The following NMT2 variants were observed in gnomAD, a reference collection of about 807,000 sequenced individuals.
NMT2 encodes the protein N-myristoyltransferase 2, also known as glycylpeptide N-tetradecanoyltransferase 2.
A neutral mutation model predicts 65.4 loss-of-function variants in NMT2; 35 were observed. That is an observed-to-expected ratio of 0.54 (90% confidence interval 0.41 to 0.71). NMT2 has a LOEUF of 0.71. NMT2 is among the 30% of genes least tolerant of loss of function. The pLI, the probability that NMT2 is intolerant of heterozygous loss-of-function variation, is 0.00. For synonymous variants in NMT2, 226 were observed against 231.8 expected, an observed-to-expected ratio of 0.98 and a Z score of 0.23; for missense variants, 489 against 611.3, an observed-to-expected ratio of 0.80 and a Z score of 2.11.
At position 15,140,907 on chromosome 10, in the gene NMT2, G is replaced by A. The variant is rs1478592330; in HGVS notation, c.246+515C>T. The A allele has an allele frequency of 4.7e-6, 6 of 1,289,548 alleles. No homozygotes were observed. The East Asian group carries it at 1.0e-4, about 22-fold the overall frequency. 79.9% of individuals were successfully genotyped at this position (1,289,548 alleles called of 1,614,324 possible). On this transcript the variant is annotated intron_variant, in intron 2 of 11. Coordinates refer to ENST00000378165, the MANE Select transcript of NMT2 (RefSeq NM_004808.3). ...TTGGTTTAAACTAGGAGAATGTCAG[G>A]AACTATTTCCCACCCTTGGCATTAG...
In NMT2 at chr10:15,133,369, C is replaced by T. The variant is rs1483003287; in HGVS notation, c.392-6G>A. On this transcript the variant is annotated splice_polypyrimidine_tract_variant and splice_region_variant and intron_variant, in intron 3 of 11. Transcript: ENST00000378165. ...ATGAGATGTTATGACTTCATCTGAA[C>T]AGGGAGAGAAAGAGAAAAAAGAAAG... The T allele has an allele frequency of 6.3e-7, 1 of 1,586,584 alleles. No homozygotes were observed. Among genetic ancestry groups the T allele is most frequent in the South Asian group, 1.1e-5 (1 of 90,486 alleles).
chr10:15,141,117 C>CA, intron 2 of NMT2: 2 of 1,228,636 alleles, frequency 1.6e-6, no homozygotes, highest in Non-Finnish European at 2.3e-6. Flanking sequence ...AGTGTAATTT[C>CA]AAAAAAACCT....
At chr10:15,165,347 C>A (rs1162368830) in intron 1 of NMT2, among the ~76,000 whole-genome samples, 1 of 152,148 alleles carries the variant, frequency 6.6e-6, no homozygotes, top group Non-Finnish European at 1.5e-5. Flanking sequence ...AAGACCTACT[C>A]CCTAATTCTA....
chr10:15,135,150 G>A (rs1846430838), intron 3 of NMT2, 124 bp downstream of exon 3: 1 of 975,902 alleles, frequency 1.0e-6, no homozygotes, highest in Non-Finnish European at 1.6e-6. Context: ...CCAATCTGTG[G>A]TATGAAATAA....
chr10:15,110,448 T>G (rs1452892328), intron 10 of NMT2, among the ~76,000 whole-genome samples: 1 of 151,882 alleles, frequency 6.6e-6, no homozygotes, highest in Non-Finnish European at 1.5e-5. Context: ...GGTATAGGTG[T>G]AGGTGTAGGT....
In NMT2 at chr10:15,128,374, T is replaced by G; in HGVS notation, c.975A>C (p.Thr325=). The change falls in exon 8 of 12, where the codon ACA becomes ACC. Residue 325 remains threonine, a synonymous_variant. Coordinates refer to ENST00000378165, the MANE Select transcript of NMT2 (RefSeq NM_004808.3). ...HLSRNMTLQR[T]MKLYRLPDVT... The stretch of plus-strand genomic sequence containing the variant: ...CATCTGGAAGTCTGTATAGCTTCAT[T>G]GTTCTCTGTAAAGTCATATTTCTAC... 6.2e-7 allele frequency: 1 copy of G among 1,603,052 alleles called. No homozygotes were observed. The highest frequency in any genetic ancestry group is 8.5e-7 in the Non-Finnish European group (1 of 1,170,270).
At chr10:15,125,440 C>T (rs1457434954) in intron 8 of NMT2, among the ~76,000 whole-genome samples, 4 of 152,154 alleles carry the variant, frequency 2.6e-5, no homozygotes, top group Non-Finnish European at 4.4e-5. Context: ...TTAAGAAAAT[C>T]ATTGTGAGTA....
intron 8 of NMT2, among the ~76,000 whole-genome samples, chr10:15,127,673 C>G (rs1289302752): frequency 6.6e-6 from 1 of 151,178 alleles, no homozygotes; most frequent in Non-Finnish European, 1.5e-5. Context: ...GAGGCTGAAG[C>G]AGGCGGTTCA....
chr10:15,106,674 G>C lies in NMT2; in HGVS notation c.*2521C>G, dbSNP rs1463519327. On this transcript the variant is annotated 3_prime_UTR_variant, in exon 12 of 12. Coordinates refer to ENST00000378165, the MANE Select transcript of NMT2 (RefSeq NM_004808.3). ...TAGAAAGGAGAGTTCCAACTCCTTC[G>C]TAGTGACCAAGGTCAACAAACTTTC... is the stretch of plus-strand genomic sequence containing the variant. 2.0e-6 allele frequency: 2 copies of C among 984,714 alleles called. No individual in the cohort carries two copies. The highest frequency in any genetic ancestry group is 2.4e-6 in the Non-Finnish European group (2 of 829,392). The allele number at this position is 984,714 out of a possible 1,614,324, so 61.0% of individuals were successfully genotyped here. A position where few individuals can be genotyped will look rare whatever the true frequency, so the allele number is the denominator to read the frequency against.
Position 15,133,041 on chromosome 10 carries a change from G to A in NMT2, c.602+12C>T, listed in dbSNP as rs200658082. 4.3e-6 allele frequency: 7 copies of A among 1,610,872 alleles called. No individual in the cohort carries two copies. The highest frequency in any genetic ancestry group is 2.2e-5 in the East Asian group (1 of 44,848). ...GCGCCTATCCACGACATCTGTGATC[G>A]ATGAGACTTACCACAACAGGAACTC... On this transcript the variant is annotated intron_variant, in intron 5 of 11. Coordinates refer to ENST00000378165, the MANE Select transcript of NMT2 (RefSeq NM_004808.3).
chr10:15,118,589 C>CA (rs34019665), intron 9 of NMT2, among the ~76,000 whole-genome samples: 24,726 of 126,156 alleles, frequency 0.2, 2,129 homozygotes, highest in Middle Eastern at 0.27. Flanking sequence ...CAACTACGGT[C>CA]AAAAAAAAAA....
At chr10:15,164,397 C>T (rs1031372721) in intron 1 of NMT2, among the ~76,000 whole-genome samples, 1 of 152,090 alleles carries the variant, frequency 6.6e-6, no homozygotes, top group African/African-American at 2.4e-5. Context: ...GAAGTATATG[C>T]TCTCTGTAAG....
chr10:15,161,402 A>G (rs897444018), intron 1 of NMT2, among the ~76,000 whole-genome samples: 3 of 152,112 alleles, frequency 2.0e-5, no homozygotes, highest in African/African-American at 7.2e-5. Flanking sequence ...CCCAGGCTGG[A>G]GTGCAATGGT....
At position 15,141,671 on chromosome 10, in the gene NMT2, A is replaced by C. The variant is rs981684647; in HGVS notation, c.111-114T>G. The stretch of plus-strand genomic sequence containing the variant: ...ACACAGCTGTTACATGCAGTAGAAA[A>C]TAACTGTGTTAGGATGTAGGTGAGG... On this transcript the variant is annotated intron_variant, in intron 1 of 11. Coordinates refer to ENST00000378165, the MANE Select transcript of NMT2 (RefSeq NM_004808.3). The C allele has an allele frequency of 1.3e-5, 17 of 1,336,834 alleles. No individual in the cohort carries two copies. The Admixed American group carries it at 4.2e-4, about 33-fold the overall frequency. The allele number at this position is 1,336,834 out of a possible 1,614,324, so 82.8% of individuals were successfully genotyped here. A position where few individuals can be genotyped will look rare whatever the true frequency, so the allele number is the denominator to read the frequency against.
In NMT2 at chr10:15,109,734, T is replaced by A. The variant is rs1244426333; in HGVS notation, c.1444A>T (p.Asn482Tyr). Residue 482 changes from asparagine to tyrosine, a missense_variant, in exon 11 of 12, where the codon AAT (asparagine) becomes TAT (tyrosine). Transcript: ENST00000378165. ...GAATCTGTACCTGGACACCTCCAAT[T>A]GTACAGGTAATACTGCAAATTGCCA... Reference protein sequence around the residue: ...GDGNLQYYLYNWRCPGTDSEK... With the variant: ...GDGNLQYYLYYWRCPGTDSEK... 1 of 1,612,706 alleles carries A rather than the reference T, an allele frequency of 6.2e-7. No homozygotes were observed. The highest frequency in any genetic ancestry group is 8.5e-7 in the Non-Finnish European group (1 of 1,179,590).
At chr10:15,159,996 G>T (rs1300690436) in intron 1 of NMT2, among the ~76,000 whole-genome samples, 1 of 152,196 alleles carries the variant, frequency 6.6e-6, no homozygotes, top group African/African-American at 2.4e-5. Flanking sequence ...AGTGGCTGCG[G>T]AAGGCTTCAT....
chr10:15,110,535 A>T (rs1002611284), intron 10 of NMT2, among the ~76,000 whole-genome samples: 1 of 152,198 alleles, frequency 6.6e-6, no homozygotes, highest in Non-Finnish European at 1.5e-5. Flanking sequence ...GCTACACAGG[A>T]GGCTGAGGCA....
At chr10:15,168,405 G>A (rs766905087) in intron 1 of NMT2, 98 bp downstream of exon 1, 11 of 864,494 alleles carry the variant, frequency 1.3e-5, no homozygotes. Context: ...CGGAGCGGCC[G>A]AAGAACCCCC....
rs1483994731 is a variant in NMT2, at chr10:15,167,872, A to C, written c.110+631T>G. ...GGTTCAGGGGATCGGCCCTGCTCTGAAGAGCTCTAGGGACAGGCGAGGCGG... is the reference window on the plus strand; with the variant it reads ...GGTTCAGGGGATCGGCCCTGCTCTGCAGAGCTCTAGGGACAGGCGAGGCGG... On this transcript the variant is annotated intron_variant, in intron 1 of 11. Transcript: ENST00000378165. Among the ~76,000 whole-genome samples, 3 of 152,150 alleles carry C rather than the reference A, an allele frequency of 2.0e-5. No individual in the cohort carries two copies. In the East Asian group the frequency reaches 5.8e-4, roughly 29 times the overall value.
Sources: gnomAD v4.1 joint callset for allele counts (sites outside exome capture counted in the v4.1 genomes callset) on GRCh38, gnomAD v4.1.1 for gene constraint, MANE v1.5 for transcripts, NCBI Gene and HGNC (gene_info 2026-07-23, HGNC 2026-07-21) for gene names.